Variants in NLRC5 observed in about 807,000 individuals in gnomAD.
The protein encoded by NLRC5 is protein NLRC5.
Under a neutral mutation model 206.9 loss-of-function variants are expected in NLRC5, and 114 were observed. That is an observed-to-expected ratio of 0.55 (90% CI 0.47 to 0.64). The LOEUF (loss-of-function observed/expected upper bound fraction) is 0.64, where lower values mean the gene tolerates loss of function less well. Among genes scored for constraint, NLRC5 ranks in the 30% least tolerant of loss-of-function variants. The pLI, the probability that NLRC5 is intolerant of heterozygous loss-of-function variation, is 0.00. For synonymous variants in NLRC5, 952 were observed against 962.8 expected (o/e 0.99, Z 0.21); for missense variants, 2,008 against 2,305.5 (o/e 0.87, Z 2.64).
chr16:57,026,945 G>C lies in NLRC5; in HGVS notation c.2002G>C (p.Asp668His), dbSNP rs1241251425. 5 of 1,614,148 alleles carry C rather than the reference G, an allele frequency of 3.1e-6. No individual in the cohort carries two copies. Among genetic ancestry groups the C allele is most frequent in the Admixed American group, 1.7e-5 (1 of 60,012 alleles). ...LEHREAPIHL[D>H]FDGCPLEPHC... ...GCACAGGGAGGCCCCCATCCACCTG[G>C]ATTTTGATGGCTGTCCCCTGGAGCC... The change falls in exon 6 of 49, where the codon GAT becomes CAT. Residue 668 changes from aspartate (D) to histidine (H), a missense_variant. Asp to His is a moderately conservative substitution (Grantham distance 81). Transcript: ENST00000688547.
At chr16:57,038,051 C>T (rs4784754) in intron 15 of NLRC5, among the ~76,000 whole-genome samples, 115,293 of 152,052 alleles carry the variant, frequency 0.76, 44,317 homozygotes, top group Middle Eastern at 0.81. Flanking sequence ...TAAATTATCA[C>T]GATTGTGCAA....
intron 20 of NLRC5, among the ~76,000 whole-genome samples, chr16:57,044,932 C>T (rs1179948723): frequency 6.6e-6 from 1 of 151,328 alleles, no homozygotes; most frequent in Admixed American, 6.6e-5. Context: ...ATGTCAGGCA[C>T]AATGGCTCAC....
In NLRC5 at chr16:57,023,824, G is replaced by A. The variant is rs531478769; in HGVS notation, c.395G>A (p.Arg132His). 16 of 1,611,868 alleles carry A rather than the reference G, an allele frequency of 9.9e-6. No homozygotes were observed. Among genetic ancestry groups the A allele is most frequent in the South Asian group, 4.4e-5 (4 of 90,476 alleles). Residue 132 changes from arginine (R) to histidine (H), a missense_variant, in exon 5 of 49, where the codon CGC becomes CAC. Coordinates refer to ENST00000688547, the MANE Select transcript of NLRC5 (RefSeq NM_001384950.1). ...CATCAGAGCTGTGGGTCCTCACCCC[G>A]CCGGAAGCAGTGCAAGAAGCAGCAG... ...RPHQSCGSSP[R>H]RKQCKKQQLE...
At chr16:57,050,508 G>A (rs879272142) in intron 23 of NLRC5, among the ~76,000 whole-genome samples, 1 of 152,154 alleles carries the variant, frequency 6.6e-6, no homozygotes, top group Non-Finnish European at 1.5e-5. Context: ...AGAAAGAGAG[G>A]AAGGGGGAGG....
At chr16:57,042,316 G>T (rs1423472538) in intron 19 of NLRC5, among the ~76,000 whole-genome samples, 2 of 152,116 alleles carry the variant, frequency 1.3e-5, no homozygotes, top group Non-Finnish European at 2.9e-5. Flanking sequence ...CTCTGAACAG[G>T]CTTCTGAGGC....
chr16:57,035,250 A>T (rs750433359), intron 13 of NLRC5, among the ~76,000 whole-genome samples: 1 of 151,750 alleles, frequency 6.6e-6, no homozygotes, highest in African/African-American at 2.4e-5. Context: ...TTCTAGTCCA[A>T]CCCACCCTCA....
chr16:57,005,101 G>A (rs796431370), intron 1 of NLRC5, among the ~76,000 whole-genome samples: 11 of 152,254 alleles, frequency 7.2e-5, no homozygotes, highest in African/African-American at 2.6e-4. Context: ...GTAACACTTC[G>A]AACGGAAAGC....
Position 57,026,827 on chromosome 16 carries a change from C to T in NLRC5, c.1884C>T (p.Ala628=), listed in dbSNP as rs772030610. Residue 628 remains alanine (A), a synonymous_variant, in exon 6 of 49, where the codon GCC becomes GCT. Transcript: ENST00000688547. ...CVDETQEPEL[A]SLTAQSLPYQ... Reference sequence around the variant, plus strand: ...ATGAGACACAGGAGCCTGAGCTGGCCAGTCTCACCGCACAAAGCCTCCCCT... The same window carrying T: ...ATGAGACACAGGAGCCTGAGCTGGCTAGTCTCACCGCACAAAGCCTCCCCT... 1 of 1,614,216 alleles carries T rather than the reference C, an allele frequency of 6.2e-7. No individual in the cohort carries two copies. Among genetic ancestry groups the T allele is most frequent in the Admixed American group, 1.7e-5 (1 of 60,024 alleles).
At chr16:57,046,086 C>T (rs1020518912) in intron 21 of NLRC5, among the ~76,000 whole-genome samples, 10 of 152,234 alleles carry the variant, frequency 6.6e-5, no homozygotes, top group Admixed American at 6.5e-4. Context: ...AGAAAAGGCA[C>T]TGCCGTACAG....
chr16:57,006,413 CTTTTT>C (rs58713490), intron 1 of NLRC5, among the ~76,000 whole-genome samples: 5 of 90,818 alleles, frequency 5.5e-5, no homozygotes, highest in Non-Finnish European at 1.0e-4. Flanking sequence ...TCTTCATCCT[CTTTTT>C]TTTTTTTTTT....
chr16:57,020,043 G>A (rs969377765), intron 2 of NLRC5, among the ~76,000 whole-genome samples: 21 of 152,134 alleles, frequency 1.4e-4, no homozygotes, highest in Non-Finnish European at 2.8e-4. Flanking sequence ...CTCTGGAGCT[G>A]ATCCCTGGGC....
At chr16:57,063,877 T>C (rs1369298049) in intron 32 of NLRC5, among the ~76,000 whole-genome samples, 1 of 152,034 alleles carries the variant, frequency 6.6e-6, no homozygotes, top group Non-Finnish European at 1.5e-5. Flanking sequence ...TAGCTGGGAC[T>C]ACAGGTGCCC....
In NLRC5 at chr16:57,028,204, G is replaced by A. The variant is rs749988904; in HGVS notation, c.2159+49G>A. On this transcript the variant is annotated intron_variant, in intron 7 of 48. Transcript: ENST00000688547. ...AAGGGTCTTCAGCTGGGGATGCCTG[G>A]TACTCTCCTCCCTCTCCTTAATCCT... 2.5e-6 allele frequency: 4 copies of A among 1,576,088 alleles called. No homozygotes were observed. The East Asian group carries it at 6.7e-5, about 27-fold the overall frequency.
chr16:57,076,261 C>T (rs2068385290), intron 39 of NLRC5, among the ~76,000 whole-genome samples: 1 of 152,206 alleles, frequency 6.6e-6, no homozygotes, highest in Non-Finnish European at 1.5e-5. Context: ...AAACAACATG[C>T]AAACAAATAC....
chr16:57,025,315 T>A, intron 5 of NLRC5, 53 bp from the exon 6 acceptor site: 1 of 1,505,446 alleles, frequency 6.6e-7, no homozygotes, highest in Non-Finnish European at 8.8e-7. Context: ...CAAGAAGACA[T>A]GAGCAGAGGG....
chr16:56,995,341 A>G (rs548473773), intron 1 of NLRC5, among the ~76,000 whole-genome samples: 2 of 152,232 alleles, frequency 1.3e-5, no homozygotes, highest in Non-Finnish European at 2.9e-5. Flanking sequence ...GTCTCAAGAA[A>G]GGAAGGGCTG....
chr16:57,074,908 C>T (rs1490369425), intron 39 of NLRC5, among the ~76,000 whole-genome samples: 1 of 150,240 alleles, frequency 6.7e-6, no homozygotes, highest in African/African-American at 2.4e-5. Context: ...AGGCCCACGT[C>T]GTAGAACAAC....
intron 1 of NLRC5, among the ~76,000 whole-genome samples, chr16:56,996,831 T>A (rs1381577265): frequency 2.0e-5 from 3 of 152,174 alleles, no homozygotes; most frequent in African/African-American, 7.2e-5. Flanking sequence ...TATATTTCAG[T>A]TAGGAAATGG....
chr16:57,043,279 T>C (rs557044688), intron 19 of NLRC5, among the ~76,000 whole-genome samples: 1 of 152,266 alleles, frequency 6.6e-6, no homozygotes, highest in Non-Finnish European at 1.5e-5. Flanking sequence ...TGGGTGCCCA[T>C]CTCAGCTCTG....
Sources: gnomAD v4.1 joint callset for allele counts (sites outside exome capture counted in the v4.1 genomes callset) on GRCh38, gnomAD v4.1.1 for gene constraint, MANE v1.5 for transcripts, NCBI Gene and HGNC (gene_info 2026-07-23, HGNC 2026-07-21) for gene names.